TNIK: variants seen among roughly 807,000 people sequenced by gnomAD.
The protein encoded by TNIK is TRAF2 and NCK interacting kinase, also known as TRAF2 and NCK-interacting protein kinase.
In TNIK, 49 loss-of-function variants were observed where a neutral mutation model predicts 191.3. The ratio of observed to expected loss-of-function variants is 0.26; its 90% confidence interval spans 0.20 to 0.32. The LOEUF is 0.32. TNIK is among the 10% of genes least tolerant of loss of function. TNIK has a pLI of 1.00. For synonymous variants in TNIK, 594 were observed against 600.9 expected (o/e 0.99, Z 0.17); for missense variants, 1,155 against 1,702.3 (o/e 0.68, Z 5.66).
At chr3:171,214,065 T>A (rs1235838262) in intron 3 of TNIK, among the ~76,000 whole-genome samples, 1 of 152,072 alleles carries the variant, frequency 6.6e-6, no homozygotes, top group African/African-American at 2.4e-5. Context: ...CTGTAAGACA[T>A]GGTTAGGTAG....
chr3:171,280,526 A>G (rs544722265), intron 2 of TNIK, among the ~76,000 whole-genome samples: 3 of 152,290 alleles, frequency 2.0e-5, no homozygotes, highest in East Asian at 3.9e-4. Context: ...GGCACATACT[A>G]TATTGTTGGT....
At chr3:171,252,512 C>T (rs781629307) in intron 2 of TNIK, among the ~76,000 whole-genome samples, 14 of 152,150 alleles carry the variant, frequency 9.2e-5, no homozygotes, top group Non-Finnish European at 1.9e-4. Flanking sequence ...AGGAAGCTGC[C>T]TTATGTTAAT....
chr3:171,258,113 T>G (rs917024108), intron 2 of TNIK, among the ~76,000 whole-genome samples: 1 of 152,040 alleles, frequency 6.6e-6, no homozygotes, highest in Non-Finnish European at 1.5e-5. Context: ...GACAGCAAAA[T>G]GAAAAGCGTA....
At chr3:171,421,197 A>G (rs984263713) in intron 1 of TNIK, among the ~76,000 whole-genome samples, 7 of 152,204 alleles carry the variant, frequency 4.6e-5, no homozygotes, top group African/African-American at 1.7e-4. Context: ...TGATAGTTCT[A>G]GTTCTCACTG....
At chr3:171,131,152 C>A (rs1478912881) in intron 15 of TNIK, among the ~76,000 whole-genome samples, 2 of 151,452 alleles carry the variant, frequency 1.3e-5, no homozygotes, top group Admixed American at 1.3e-4. Context: ...TCCTGGCTAA[C>A]ACGGTGAAAC....
intron 2 of TNIK, among the ~76,000 whole-genome samples, chr3:171,282,723 T>C (rs1050372906): frequency 2.6e-5 from 4 of 152,226 alleles, no homozygotes; most frequent in Admixed American, 2.6e-4. Context: ...GCAGTTACAC[T>C]GAACTCATTT....
chr3:171,250,338 G>A (rs1162734626), intron 2 of TNIK, among the ~76,000 whole-genome samples: 1 of 152,154 alleles, frequency 6.6e-6, no homozygotes, highest in East Asian at 1.9e-4. Flanking sequence ...TTGTGGTAGT[G>A]AGATTTGGGT....
At chr3:171,332,512 G>A (rs180969652) in intron 2 of TNIK, among the ~76,000 whole-genome samples, 5 of 152,248 alleles carry the variant, frequency 3.3e-5, no homozygotes, top group Admixed American at 6.5e-5. Flanking sequence ...CAAAATGGCC[G>A]GAACGCTGCC....
At chr3:171,115,375 C>T (rs1364599702) in intron 18 of TNIK, among the ~76,000 whole-genome samples, 1 of 152,230 alleles carries the variant, frequency 6.6e-6, no homozygotes, top group African/African-American at 2.4e-5. Flanking sequence ...GCACAAGCCA[C>T]AGGGCATACA....
intron 28 of TNIK, among the ~76,000 whole-genome samples, chr3:171,074,279 C>T (rs926897954): frequency 1.3e-5 from 2 of 152,140 alleles, no homozygotes; most frequent in Non-Finnish European, 2.9e-5. Flanking sequence ...AAAGTCAACA[C>T]ATGTTCTCAC....
intron 2 of TNIK, among the ~76,000 whole-genome samples, chr3:171,361,880 T>C (rs1463170267): frequency 6.6e-6 from 1 of 152,186 alleles, no homozygotes; most frequent in Admixed American, 6.5e-5. Context: ...ACTGTTTCTT[T>C]ATATTCTAAT....
chr3:171,374,002 A>G (rs79559516), intron 1 of TNIK, among the ~76,000 whole-genome samples: 1,701 of 152,316 alleles, frequency 0.011, 15 homozygotes, highest in Non-Finnish European at 0.019. Flanking sequence ...AAGCACTGTA[A>G]CATATTTATC....
chr3:171,365,812 A>C (rs1339880449), intron 2 of TNIK, among the ~76,000 whole-genome samples: 2 of 152,210 alleles, frequency 1.3e-5, no homozygotes, highest in East Asian at 3.9e-4. Context: ...CCTACTTTGC[A>C]CTTTACAACC....
chr3:171,454,856 A>G (rs1022214441), intron 1 of TNIK, among the ~76,000 whole-genome samples: 1 of 152,238 alleles, frequency 6.6e-6, no homozygotes, highest in African/African-American at 2.4e-5. Context: ...ATACTGGGCC[A>G]TTAGTGTATC....
intron 1 of TNIK, among the ~76,000 whole-genome samples, chr3:171,376,095 A>C (rs1202135956): frequency 6.6e-6 from 1 of 152,238 alleles, no homozygotes; most frequent in Non-Finnish European, 1.5e-5. Flanking sequence ...TTTTAGAACC[A>C]TATTTAGCAG....
intron 23 of TNIK, 116 bp downstream of exon 23, chr3:171,093,722 TC>T: frequency 7.4e-7 from 1 of 1,345,198 alleles, no homozygotes; most frequent in Non-Finnish European, 1.0e-6. Flanking sequence ...AGGTCCTCCC[TC>T]CCCCAAGAAT....
chr3:171,331,007 T>A (rs970455645), intron 2 of TNIK, among the ~76,000 whole-genome samples: 39 of 152,322 alleles, frequency 2.6e-4, no homozygotes, highest in African/African-American at 9.4e-4. Flanking sequence ...GGTGCCCATT[T>A]CGCTTCTGTG....
chr3:171,347,232 AAAAAG>A lies in TNIK; in HGVS notation c.123+22383_123+22387del, dbSNP rs1712364198. The A allele has an allele frequency of 1.0e-5, 16 of 1,526,410 alleles. No homozygotes were observed. The East Asian group carries it at 1.2e-4, about 12-fold the overall frequency. 94.6% of individuals were successfully genotyped at this position (1,526,410 alleles called of 1,614,324 possible). On this transcript the variant is annotated intron_variant, in intron 2 of 32. Transcript: ENST00000436636. ...CTGGTTCATTTGCTGAAAAAAAAAA[AAAAAG>A]AAAAGAAAAATGACAAAACCCTAGC...
rs571514600 is a variant in TNIK, at chr3:171,119,688, C to T, written c.2120+3908G>A. 1.3e-3 allele frequency among the ~76,000 whole-genome samples: 191 copies of T among 146,634 alleles called. 2 individuals carry two copies. The South Asian group carries it at 0.019, about 15-fold the overall frequency. The stretch of plus-strand genomic sequence containing the variant: ...GAAACCATCATTCTCAGCAAACTAT[C>T]GCAAGGACAAAAAAAAACAAACACT... On this transcript the variant is annotated intron_variant, in intron 18 of 32. Transcript: ENST00000436636.
Sources: gnomAD v4.1 joint callset for allele counts (sites outside exome capture counted in the v4.1 genomes callset) on GRCh38, gnomAD v4.1.1 for gene constraint, MANE v1.5 for transcripts, NCBI Gene and HGNC (gene_info 2026-07-23, HGNC 2026-07-21) for gene names.